The following MBD5 variants were observed in gnomAD, a reference collection of about 807,000 sequenced individuals.
MBD5 encodes methyl-CpG-binding domain protein 5.
MBD5 carries 13 observed loss-of-function variants against 117.3 expected under a neutral mutation model. That is an observed-to-expected ratio of 0.11 (90% CI 0.07 to 0.18). The LOEUF (loss-of-function observed/expected upper bound fraction) is 0.18. Among genes scored for constraint, MBD5 ranks in the 10% least tolerant of loss-of-function variants. The pLI, the probability that MBD5 is intolerant of heterozygous loss-of-function variation, is 1.00. For synonymous variants in MBD5, 727 were observed against 766.4 expected, an observed-to-expected ratio of 0.95 and a Z score of 0.85; for missense variants, 1,879 against 2,093.8, an observed-to-expected ratio of 0.90 and a Z score of 2.00.
At chr2:148,459,391 A>G (rs1419858678) in intron 5 of MBD5, among the ~76,000 whole-genome samples, 2 of 152,224 alleles carry the variant, frequency 1.3e-5, no homozygotes, top group African/African-American at 4.8e-5. Context: ...AAGGCTCTGC[A>G]TCTTACAAGT....
chr2:148,392,046 A>G (rs1704584233), intron 4 of MBD5, among the ~76,000 whole-genome samples: 1 of 152,062 alleles, frequency 6.6e-6, no homozygotes, highest in Non-Finnish European at 1.5e-5. Context: ...CTTTTTTCTC[A>G]CAAAGTAGAA....
At chr2:148,201,359 G>C (rs1193590275) in intron 2 of MBD5, among the ~76,000 whole-genome samples, 1 of 152,178 alleles carries the variant, frequency 6.6e-6, no homozygotes, top group Non-Finnish European at 1.5e-5. Context: ...GAAACACAGG[G>C]ACACCCAAGC....
intron 3 of MBD5, among the ~76,000 whole-genome samples, chr2:148,294,507 T>TTTTTTTTGTTTTTTTTTTTTTGTTTG: frequency 8.0e-6 from 1 of 124,260 alleles, no homozygotes; most frequent in African/African-American, 3.3e-5. Context: ...TACAGTTTTT[T>TTTTTTTTGTTTTTTTTTTTTTGTTTG]TTTTTTTTTT....
chr2:148,350,489 T>C (rs560984888), intron 4 of MBD5, among the ~76,000 whole-genome samples: 1 of 152,152 alleles, frequency 6.6e-6, no homozygotes, highest in South Asian at 2.1e-4. Flanking sequence ...AATGCAGTGA[T>C]AGTGGGCAAT....
intron 2 of MBD5, among the ~76,000 whole-genome samples, chr2:148,230,998 A>G (rs1699968890): frequency 6.6e-6 from 1 of 152,020 alleles, no homozygotes; most frequent in South Asian, 2.1e-4. Flanking sequence ...CACCAGCTGT[A>G]TAGCCTGTGG....
intron 1 of MBD5, among the ~76,000 whole-genome samples, chr2:148,070,346 T>A (rs2105073384): frequency 6.6e-6 from 1 of 152,310 alleles, no homozygotes; most frequent in South Asian, 2.1e-4. Flanking sequence ...CATTTAGTGA[T>A]TTGATATTGG....
chr2:148,372,054 A>G (rs1253503050), intron 4 of MBD5, among the ~76,000 whole-genome samples: 1 of 152,160 alleles, frequency 6.6e-6, no homozygotes, highest in Non-Finnish European at 1.5e-5. Context: ...AAGCTAATAT[A>G]ATAAATATGA....
intron 3 of MBD5, among the ~76,000 whole-genome samples, 174 bp from the exon 4 acceptor site, chr2:148,342,040 T>A (rs1449737271): frequency 1.3e-5 from 2 of 152,106 alleles, no homozygotes; most frequent in Non-Finnish European, 2.9e-5. Flanking sequence ...TAATTATTTC[T>A]GGTAGTTAAT....
intron 1 of MBD5, among the ~76,000 whole-genome samples, chr2:148,141,210 TAA>T (rs745834773): frequency 6.6e-6 from 1 of 152,220 alleles, no homozygotes; most frequent in Non-Finnish European, 1.5e-5. Flanking sequence ...CTACTCAATG[TAA>T]AGTTTCAGCC....
At chr2:148,077,294 A>G (rs1695532511) in intron 1 of MBD5, among the ~76,000 whole-genome samples, 1 of 152,314 alleles carries the variant, frequency 6.6e-6, no homozygotes, top group Non-Finnish European at 1.5e-5. Context: ...TTTTATTGGC[A>G]TCTTGAGTTG....
intron 1 of MBD5, among the ~76,000 whole-genome samples, chr2:148,097,874 T>C (rs757814426): frequency 7.9e-5 from 12 of 152,320 alleles, no homozygotes; most frequent in Non-Finnish European, 1.8e-4. Flanking sequence ...AAGAATGTTG[T>C]GCCAGTGCCT....
intron 4 of MBD5, among the ~76,000 whole-genome samples, chr2:148,343,876 C>G (rs116369872): frequency 0.021 from 3,173 of 152,180 alleles, 68 homozygotes; most frequent in Middle Eastern, 0.058. Flanking sequence ...GTCATAAATT[C>G]TTTCCTAAGG....
chr2:148,410,023 G>A (rs2105168147), intron 4 of MBD5, among the ~76,000 whole-genome samples: 1 of 152,044 alleles, frequency 6.6e-6, no homozygotes, highest in African/African-American at 2.4e-5. Flanking sequence ...TATGTAACTT[G>A]TGCACATGTT....
chr2:148,473,467 G>A (rs1048869452), intron 8 of MBD5, among the ~76,000 whole-genome samples: 1 of 152,092 alleles, frequency 6.6e-6, no homozygotes, highest in African/African-American at 2.4e-5. Context: ...ACAGAGCTTA[G>A]ATACAACTCA....
At chr2:148,443,403 A>C (rs138754202) in intron 4 of MBD5, among the ~76,000 whole-genome samples, 3 of 151,530 alleles carry the variant, frequency 2.0e-5, no homozygotes, top group South Asian at 2.1e-4. Context: ...GTAGATACCC[A>C]AAAGAATGGA....
At chr2:148,328,314 C>G (rs530688369) in intron 3 of MBD5, among the ~76,000 whole-genome samples, 1 of 152,232 alleles carries the variant, frequency 6.6e-6, no homozygotes, top group African/African-American at 2.4e-5. Context: ...GCCGTGCCCC[C>G]AGAGGTGGAG....
intron 4 of MBD5, among the ~76,000 whole-genome samples, chr2:148,401,067 A>C (rs767021588): frequency 6.6e-6 from 1 of 152,148 alleles, no homozygotes; most frequent in Non-Finnish European, 1.5e-5. Context: ...CATCTGGTCC[A>C]TAAGGAGATT....
chr2:148,424,177 CAAAAA>C (rs56740583), intron 4 of MBD5, among the ~76,000 whole-genome samples: 3 of 53,460 alleles, frequency 5.6e-5, no homozygotes, highest in Admixed American at 2.0e-4. Context: ...GACTCTGTCT[CAAAAA>C]AAAAAAAAAA....
At chr2:148,058,529 T>A (rs1349002569) in intron 1 of MBD5, among the ~76,000 whole-genome samples, 1 of 152,048 alleles carries the variant, frequency 6.6e-6, no homozygotes, top group Non-Finnish European at 1.5e-5. Flanking sequence ...TTATTTGCAT[T>A]GCAAATGCTT....
Sources: allele counts gnomAD v4.1 joint callset (sites outside exome capture counted in the v4.1 genomes callset), GRCh38; gene constraint gnomAD v4.1.1; transcripts MANE v1.5; gene names NCBI Gene and HGNC (gene_info 2026-07-23, HGNC 2026-07-21).